CPNE4: variants seen among roughly 807,000 people sequenced by gnomAD.
CPNE4 encodes the protein copine-4.
In CPNE4, 25 loss-of-function variants were observed where a neutral mutation model predicts 67.9. The ratio of observed to expected loss-of-function variants is 0.37; its 90% CI spans 0.27 to 0.51. The LOEUF (loss-of-function observed/expected upper bound fraction) is 0.51. CPNE4 is among the 20% of genes least tolerant of loss of function. The probability of loss-of-function intolerance (pLI) is 0.93; values close to 1 mark genes in which losing one functional copy is unlikely to be tolerated. For missense variants in CPNE4, 464 were observed against 690.8 expected, an observed-to-expected ratio of 0.67 and a Z score of 3.68; for synonymous variants, 242 against 244.9, an observed-to-expected ratio of 0.99 and a Z score of 0.11.
intron 2 of CPNE4, among the ~76,000 whole-genome samples, chr3:131,892,752 G>C (rs2088166044): frequency 6.6e-6 from 1 of 151,974 alleles, no homozygotes; most frequent in African/African-American, 2.4e-5. Context: ...GTTGTGATCA[G>C]CTTAAAATCG....
intron 2 of CPNE4, among the ~76,000 whole-genome samples, chr3:131,812,901 G>A (rs1347234433): frequency 6.6e-6 from 1 of 152,092 alleles, no homozygotes; most frequent in Non-Finnish European, 1.5e-5. Context: ...AGGAATAAAG[G>A]AAAGAATAAC....
upstream of CPNE4, among the ~76,000 whole-genome samples, chr3:132,039,055 T>G (rs2074376168): frequency 6.6e-6 from 1 of 152,232 alleles, no homozygotes; most frequent in African/African-American, 2.4e-5. Flanking sequence ...GTTCCACAAG[T>G]GACATTTTAA....
chr3:131,692,212 G>T (rs2081050919), intron 5 of CPNE4, among the ~76,000 whole-genome samples: 1 of 152,098 alleles, frequency 6.6e-6, no homozygotes, highest in African/African-American at 2.4e-5. Flanking sequence ...AAAGATGTAG[G>T]CATATCCAGT....
intron 1 of CPNE4, among the ~76,000 whole-genome samples, chr3:131,953,600 A>C (rs1490244494): frequency 6.6e-6 from 1 of 152,244 alleles, no homozygotes; most frequent in Non-Finnish European, 1.5e-5. Flanking sequence ...TATCTTTTGC[A>C]GAAACATGGA....
chr3:132,022,129 A>G (rs1057326409), intron 1 of CPNE4, among the ~76,000 whole-genome samples: 9 of 152,228 alleles, frequency 5.9e-5, no homozygotes, highest in African/African-American at 2.2e-4. Flanking sequence ...TACAGGGCAG[A>G]CATGGACATG....
intron 2 of CPNE4, among the ~76,000 whole-genome samples, chr3:131,904,568 T>A (rs16838031): frequency 0.11 from 17,298 of 152,092 alleles, 1,111 homozygotes; most frequent in Middle Eastern, 0.17. Flanking sequence ...GTTTTGGGCT[T>A]GGTCAGAGAA....
chr3:131,908,397 A>G (rs933945633), intron 1 of CPNE4, among the ~76,000 whole-genome samples: 3 of 152,188 alleles, frequency 2.0e-5, no homozygotes, highest in African/African-American at 7.2e-5. Context: ...CTTTGTGTTC[A>G]GACAGGTTTG....
chr3:131,761,573 T>C (rs1004735615), intron 2 of CPNE4, among the ~76,000 whole-genome samples: 1 of 152,094 alleles, frequency 6.6e-6, no homozygotes, highest in Admixed American at 6.6e-5. Flanking sequence ...TTTTATCAAT[T>C]GGCAGAGGTT....
At chr3:131,792,772 A>G (rs2083806093) in intron 2 of CPNE4, among the ~76,000 whole-genome samples, 1 of 132,870 alleles carries the variant, frequency 7.5e-6, no homozygotes, top group African/African-American at 2.8e-5. Context: ...CTATATATGT[A>G]TATGTGTGTG....
At chr3:131,687,191 G>A (rs2080912382) in intron 5 of CPNE4, among the ~76,000 whole-genome samples, 1 of 152,156 alleles carries the variant, frequency 6.6e-6, no homozygotes, top group Non-Finnish European at 1.5e-5. Context: ...TTTAGTGAGA[G>A]AGTGATGTAA....
intron 2 of CPNE4, among the ~76,000 whole-genome samples, chr3:131,796,942 C>T (rs941875676): frequency 1.3e-5 from 2 of 152,184 alleles, no homozygotes; most frequent in African/African-American, 4.8e-5. Flanking sequence ...TTGCCTTCAA[C>T]CAGCAGACTG....
intron 2 of CPNE4, among the ~76,000 whole-genome samples, chr3:131,801,452 G>GTATATATATATATATATATA (rs71136416): frequency 6.2e-4 from 33 of 53,344 alleles, no homozygotes; most frequent in African/African-American, 1.2e-3. Flanking sequence ...GTGTGTGTGT[G>GTATATATATATATATATATA]TATATATATA....
chr3:131,738,824 T>G (rs2082295447), intron 2 of CPNE4, among the ~76,000 whole-genome samples: 1 of 151,914 alleles, frequency 6.6e-6, no homozygotes, highest in African/African-American at 2.4e-5. Context: ...AAACATAATA[T>G]GTACATATTC....
chr3:132,001,700 G>T (rs977768613), intron 1 of CPNE4, among the ~76,000 whole-genome samples: 1 of 152,088 alleles, frequency 6.6e-6, no homozygotes, highest in Non-Finnish European at 1.5e-5. Context: ...GATTCTTCAT[G>T]TCTGCATGAG....
chr3:131,950,971 GC>G (rs1335408535), intron 1 of CPNE4, among the ~76,000 whole-genome samples: 1 of 152,136 alleles, frequency 6.6e-6, no homozygotes, highest in Non-Finnish European at 1.5e-5. Flanking sequence ...TCCTGTTGAT[GC>G]TTTTTGTTCA....
In CPNE4 at chr3:131,708,995, T is replaced by TATATATATATATATATAC. The variant is rs1366246304; in HGVS notation, c.361-9016_361-9015insGTATATATATATATATAT. On this transcript the variant is annotated intron_variant, in intron 3 of 15. Coordinates refer to ENST00000429747, the MANE Select transcript of CPNE4 (RefSeq NM_130808.3). Reference sequence around the variant, plus strand: ...ATATATATATATATATATATATATATACATACACACATAATAATATAATAC... The same window carrying TATATATATATATATATAC: ...ATATATATATATATATATATATATATATATATATATATATATACACATACACACATAATAATATAATAC... Among the ~76,000 whole-genome samples, 73 of 109,082 alleles carry TATATATATATATATATAC rather than the reference T, an allele frequency of 6.7e-4. 1 individual carries two copies. Among genetic ancestry groups the TATATATATATATATATAC allele is most frequent in the Non-Finnish European group, 9.4e-4 (51 of 54,404 alleles). 71.6% of individuals were successfully genotyped at this position (109,082 alleles called of 152,430 possible).
At chr3:131,955,856 G>A (rs1182528155) in intron 1 of CPNE4, among the ~76,000 whole-genome samples, 1 of 152,014 alleles carries the variant, frequency 6.6e-6, no homozygotes, top group Non-Finnish European at 1.5e-5. Context: ...CTCAATCACT[G>A]CTTGGATTTA....
At chr3:131,869,765 G>A (rs2087116780) in intron 2 of CPNE4, among the ~76,000 whole-genome samples, 1 of 152,128 alleles carries the variant, frequency 6.6e-6, no homozygotes, top group African/African-American at 2.4e-5. Flanking sequence ...AAGACTCATA[G>A]GAAAGAATCC....
intron 7 of CPNE4, among the ~76,000 whole-genome samples, chr3:131,646,172 C>T (rs902654612): frequency 2.0e-5 from 3 of 152,122 alleles, no homozygotes; most frequent in Non-Finnish European, 4.4e-5. Context: ...AGTTACATTT[C>T]TTTTAAAACA....
Sources: gnomAD v4.1 joint callset for allele counts (sites outside exome capture counted in the v4.1 genomes callset) on GRCh38, gnomAD v4.1.1 for gene constraint, MANE v1.5 for transcripts, NCBI Gene and HGNC (gene_info 2026-07-23, HGNC 2026-07-21) for gene names.